Variants in ROBO2 observed in about 807,000 individuals in gnomAD.
ROBO2 encodes roundabout guidance receptor 2.
ROBO2 carries 53 observed loss-of-function variants against 160.8 expected under a neutral mutation model. The observed-to-expected ratio is 0.33, with a 90% CI of 0.26 to 0.41. ROBO2 has a LOEUF of 0.41. Ranked by LOEUF, ROBO2 falls within the 10% of genes least tolerant of loss-of-function variation. ROBO2 has a pLI of 1.00. For synonymous variants in ROBO2, 664 were observed against 611.7 expected, an observed-to-expected ratio of 1.09 and a Z score of -1.26; for missense variants, 1,577 against 1,722.4, an observed-to-expected ratio of 0.92 and a Z score of 1.49.
intron 2 of ROBO2, among the ~76,000 whole-genome samples, chr3:76,414,489 C>T (rs1213947930): frequency 6.6e-6 from 1 of 151,144 alleles, no homozygotes; most frequent in South Asian, 2.1e-4. Context: ...AATTGGAAAC[C>T]ATCATTCTCA....
chr3:76,732,787 T>G (rs2093655969), intron 2 of ROBO2, among the ~76,000 whole-genome samples: 1 of 152,154 alleles, frequency 6.6e-6, no homozygotes, highest in African/African-American at 2.4e-5. Context: ...GGCAACATAA[T>G]TTAGCAAACA....
intron 2 of ROBO2, among the ~76,000 whole-genome samples, chr3:75,939,151 G>C (rs1490850798): frequency 6.6e-6 from 1 of 152,016 alleles, no homozygotes; most frequent in Non-Finnish European, 1.5e-5. Context: ...TTGGGTTTCT[G>C]TGGCTATGAG....
At chr3:77,298,503 T>C (rs1419408428) in intron 2 of ROBO2, among the ~76,000 whole-genome samples, 1 of 152,140 alleles carries the variant, frequency 6.6e-6, no homozygotes, top group African/African-American at 2.4e-5. Context: ...GTATTCTTAG[T>C]CTGTCATGCT....
chr3:76,538,151 TCACACACA>T (rs3223397), intron 2 of ROBO2, among the ~76,000 whole-genome samples: 85 of 146,348 alleles, frequency 5.8e-4, no homozygotes, highest in African/African-American at 1.9e-3. Flanking sequence ...CTGACAGAAC[TCACACACA>T]CACACACACA....
intron 2 of ROBO2, among the ~76,000 whole-genome samples, chr3:76,351,695 G>A (rs1472903365): frequency 2.6e-5 from 4 of 151,834 alleles, no homozygotes; most frequent in Non-Finnish European, 5.9e-5. Flanking sequence ...ATGTATGTAT[G>A]TATAACCTCA....
intron 1 of ROBO2, among the ~76,000 whole-genome samples, chr3:77,050,733 G>A (rs1203532402): frequency 6.6e-6 from 1 of 151,218 alleles, no homozygotes; most frequent in Non-Finnish European, 1.5e-5. Flanking sequence ...GATGTTTCAG[G>A]CCACACAGCG....
rs536932056 is a variant in ROBO2 at position 76,257,579 on chromosome 3, C to T, written c.109+319977C>T. Among the ~76,000 whole-genome samples, 4 of 152,086 alleles carry T rather than the reference C, an allele frequency of 2.6e-5. No homozygotes were observed. The South Asian group carries it at 6.2e-4, about 24-fold the overall frequency. ...TACTCTCCATATTGTATGTGCTGAT[C>T]GCTATTGTATAGTGTATTTCATAGT... is the stretch of plus-strand genomic sequence containing the variant. On this transcript the variant is annotated intron_variant, in intron 2 of 26. Transcript: ENST00000487694.
At position 77,292,127 on chromosome 3, in the gene ROBO2, C is replaced by A. The variant is rs371293393; in HGVS notation, c.389-185287C>A. Among the ~76,000 whole-genome samples the A allele has an allele frequency of 4.9e-3, 622 of 125,772 alleles. 9 individuals carry two copies. The highest frequency in any genetic ancestry group is 0.016 in the African/African-American group (580 of 35,518). 82.5% of individuals were successfully genotyped at this position (125,772 alleles called of 152,430 possible). A position where few individuals can be genotyped will look rare whatever the true frequency, so the allele number is the denominator to read the frequency against. On this transcript the variant is annotated intron_variant, in intron 2 of 25. Coordinates refer to ENST00000461745, the Ensembl canonical transcript of ROBO2. ...CGGGTAAGCTGAGGCTAGATCACCC[C>A]AGACATAAAGTAAAATTGATGGTTA... is the stretch of plus-strand genomic sequence containing the variant.
chr3:77,527,817 C>T (rs954268149), intron 6 of ROBO2, among the ~76,000 whole-genome samples: 13 of 151,494 alleles, frequency 8.6e-5, no homozygotes, highest in South Asian at 4.1e-4. Context: ...AAAAATTCTA[C>T]GACTTTCCAC....
intron 13 of ROBO2, among the ~76,000 whole-genome samples, chr3:77,571,310 C>T (rs896741614): frequency 3.3e-5 from 5 of 152,038 alleles, no homozygotes; most frequent in African/African-American, 1.2e-4. Context: ...AAATATGAAG[C>T]ATCACACTTA....
At position 76,567,797 on chromosome 3, in the gene ROBO2, G is replaced by GTGTATA. The variant is rs1260549103; in HGVS notation, c.110-530216_110-530215insGTATAT. 2.3e-4 allele frequency among the ~76,000 whole-genome samples: 17 copies of GTGTATA among 72,452 alleles called. 1 individual carries two copies. Among genetic ancestry groups the GTGTATA allele is most frequent in the African/African-American group, 6.8e-4 (13 of 19,088 alleles). The allele number at this position is 72,452 out of a possible 152,430, so 47.5% of individuals were successfully genotyped here. A position where few individuals can be genotyped will look rare whatever the true frequency, so the allele number is the denominator to read the frequency against. On this transcript the variant is annotated intron_variant, in intron 2 of 26. Transcript: ENST00000487694. ...TGTGTGTGTGTGTGTGTGTGTGTGTGTATATATATATTTTTTTTTTTTTTT... is the reference window on the plus strand; with the variant it reads ...TGTGTGTGTGTGTGTGTGTGTGTGTGTGTATATATATATATATTTTTTTTTTTTTTT...
At chr3:76,663,362 C>A (rs1657828203) in intron 2 of ROBO2, among the ~76,000 whole-genome samples, 1 of 152,136 alleles carries the variant, frequency 6.6e-6, no homozygotes, top group African/African-American at 2.4e-5. Flanking sequence ...GAAAAGATCT[C>A]TGGGCTGCAG....
intron 2 of ROBO2, among the ~76,000 whole-genome samples, chr3:75,989,304 G>T (rs1034529988): frequency 6.6e-6 from 1 of 152,016 alleles, no homozygotes; most frequent in Admixed American, 6.6e-5. Context: ...ATTTACTAGA[G>T]ACGAAGTTTC....
At chr3:76,676,400 G>C (rs2092409799) in intron 2 of ROBO2, among the ~76,000 whole-genome samples, 1 of 152,110 alleles carries the variant, frequency 6.6e-6, no homozygotes, top group Non-Finnish European at 1.5e-5. Context: ...TAGCCCTGCA[G>C]AACTGTGAGT....
At chr3:77,048,762 A>C (rs2064938946) in intron 1 of ROBO2, among the ~76,000 whole-genome samples, 1 of 152,202 alleles carries the variant, frequency 6.6e-6, no homozygotes, top group East Asian at 1.9e-4. Flanking sequence ...TTGCACAATG[A>C]GTAGTTATGC....
At chr3:77,132,611 G>A (rs908428181) in intron 2 of ROBO2, among the ~76,000 whole-genome samples, 3 of 151,940 alleles carry the variant, frequency 2.0e-5, no homozygotes. Flanking sequence ...CTGTATAGCT[G>A]TAGGATTTGA....
chr3:76,808,758 G>T (rs995377880), intron 2 of ROBO2, among the ~76,000 whole-genome samples: 3 of 152,080 alleles, frequency 2.0e-5, no homozygotes, highest in African/African-American at 4.8e-5. Flanking sequence ...GTGTCTATTT[G>T]GAAGGAGCAA....
chr3:77,581,818 C>T (rs373710191), intron 16 of ROBO2, among the ~76,000 whole-genome samples: 11 of 152,012 alleles, frequency 7.2e-5, no homozygotes, highest in South Asian at 4.1e-4. Context: ...TTTCTATTTG[C>T]GCTCTTAATT....
chr3:77,180,783 A>T (rs1425657732), intron 2 of ROBO2, among the ~76,000 whole-genome samples: 2 of 152,050 alleles, frequency 1.3e-5, no homozygotes, highest in Admixed American at 6.6e-5. Flanking sequence ...ACATAAAAAC[A>T]TATGTATATA....
Sources: allele counts gnomAD v4.1 joint callset (sites outside exome capture counted in the v4.1 genomes callset), GRCh38; gene constraint gnomAD v4.1.1; transcripts MANE v1.5; gene names NCBI Gene and HGNC (gene_info 2026-07-23, HGNC 2026-07-21).